Variants in DOT1L observed in about 807,000 individuals in gnomAD.
DOT1L encodes histone-lysine N-methyltransferase, H3 lysine-79 specific.
A neutral mutation model predicts 153.3 loss-of-function variants in DOT1L; 33 were observed. That is an observed-to-expected ratio of 0.22 (90% confidence interval 0.16 to 0.29). The LOEUF is 0.29. Among genes scored for constraint, DOT1L ranks in the 10% least tolerant of loss-of-function variants. DOT1L has a pLI of 1.00. For synonymous variants in DOT1L, 1,135 were observed against 965.1 expected (o/e 1.18, Z -3.26); for missense variants, 1,847 against 2,119.9 (o/e 0.87, Z 2.53).
intron 1 of DOT1L, among the ~76,000 whole-genome samples, chr19:2,172,976 C>CA (rs35030730): frequency 0.024 from 2,918 of 124,142 alleles, 41 homozygotes; most frequent in South Asian, 0.04. Context: ...GACTCCATCT[C>CA]AAAAAAAAAA....
rs561521265 is a variant in DOT1L at position 2,191,766 on chromosome 19, C to T, written c.493+526C>T. 4.6e-4 allele frequency among the ~76,000 whole-genome samples: 70 copies of T among 152,230 alleles called. No individual in the cohort carries two copies. Among genetic ancestry groups the T allele is most frequent in the Admixed American group, 3.4e-3 (52 of 15,294 alleles). ...TCCCTCGGCACCCCTGCGTCTGGGCCGTGCCCTGCCCCTCCCAGGTTGGGG... is the reference window on the plus strand; with the variant it reads ...TCCCTCGGCACCCCTGCGTCTGGGCTGTGCCCTGCCCCTCCCAGGTTGGGG... On this transcript the variant is annotated intron_variant, in intron 5 of 27. Coordinates refer to ENST00000398665, the MANE Select transcript of DOT1L (RefSeq NM_032482.3). This position sits in a 1 kb window ranked among gnomAD's most constrained non-coding sequence, Gnocchi z 6.8.
chr19:2,223,029 C>T, intron 24 of DOT1L: 1 of 535,044 alleles, frequency 1.9e-6, no homozygotes, highest in Non-Finnish European at 3.3e-6. Flanking sequence ...CTGCAAGCTT[C>T]TTCATTCTCG....
At chr19:2,187,268 G>T (rs1184751028) in intron 3 of DOT1L, among the ~76,000 whole-genome samples, 2 of 152,216 alleles carry the variant, frequency 1.3e-5, no homozygotes, top group Non-Finnish European at 2.9e-5. Flanking sequence ...CATTAACCTG[G>T]GGCAGTTATG....
chr19:2,194,173 G>T (rs543535571), intron 6 of DOT1L, among the ~76,000 whole-genome samples: 53 of 151,260 alleles, frequency 3.5e-4, no homozygotes, highest in African/African-American at 1.2e-3. Context: ...GTTTTTTTTT[G>T]TTTTGTTTTG....
Position 2,230,407 on chromosome 19 carries a change from CTG to C in DOT1L, c.*617_*618del. 2.5e-6 allele frequency: 1 copy of C among 402,002 alleles called. No homozygotes were observed. The highest frequency in any genetic ancestry group is 4.4e-6 in the Non-Finnish European group (1 of 228,438). The allele number at this position is 402,002 out of a possible 1,614,324, so 24.9% of individuals were successfully genotyped here. On this transcript the variant is annotated 3_prime_UTR_variant, in exon 28 of 28. Coordinates refer to ENST00000398665, the MANE Select transcript of DOT1L (RefSeq NM_032482.3). ...TACCCCGGCACTGTGAACCCCCAGA[CTG>C]TTCACCCTCCGGGGCGTGGGTTGCG... is the stretch of plus-strand genomic sequence containing the variant.
intron 2 of DOT1L, among the ~76,000 whole-genome samples, chr19:2,182,371 A>G (rs567484234): frequency 6.6e-6 from 1 of 152,258 alleles, no homozygotes; most frequent in Admixed American, 6.5e-5. Context: ...TGAGACCCCA[A>G]GTCTACAAAA....
chr19:2,193,829 C>G lies in DOT1L; in HGVS notation c.588+46C>G. 1 of 1,590,602 alleles carries G rather than the reference C, an allele frequency of 6.3e-7. No individual in the cohort carries two copies. Among genetic ancestry groups the G allele is most frequent in the African/African-American group, 1.3e-5 (1 of 74,694 alleles). ...GGGTGTGTTGGAGGCAGGGGACCAT[C>G]AGAGAAAGTGACGCCCTGGGTGCCT... On this transcript the variant is annotated intron_variant, in intron 6 of 27. Coordinates refer to ENST00000398665, the MANE Select transcript of DOT1L (RefSeq NM_032482.3). The surrounding 1 kb of genome is among the most constrained non-coding windows in gnomAD (Gnocchi z 5.9).
intron 27 of DOT1L, chr19:2,228,081 C>T (rs762100839): frequency 7.5e-7 from 1 of 1,332,826 alleles, no homozygotes; most frequent in African/African-American, 1.5e-5. Flanking sequence ...CGCGTCCCTC[C>T]CGCCTAACCA....
At chr19:2,223,217 G>C (rs144012798) in intron 24 of DOT1L, 64 bp from the exon 25 acceptor site, 163 of 1,571,670 alleles carry the variant, frequency 1.0e-4, no homozygotes, top group Non-Finnish European at 1.4e-4. Context: ...GGGGCGGGGG[G>C]GCTCTCCTGC....
At chr19:2,202,483 C>A (rs537580893) in intron 8 of DOT1L, among the ~76,000 whole-genome samples, 1 of 152,216 alleles carries the variant, frequency 6.6e-6, no homozygotes, top group Admixed American at 6.5e-5. Context: ...ACGAATCCTG[C>A]CCCCTCTGTT....
chr19:2,210,453 G>A lies in DOT1L; in HGVS notation c.1059G>A (p.Ala353=), dbSNP rs1309420880. The A allele has an allele frequency of 5.7e-6, 9 of 1,582,728 alleles. No individual in the cohort carries two copies. The highest frequency in any genetic ancestry group is 4.6e-5 in the East Asian group (2 of 43,514). Residue 353 remains alanine, a synonymous_variant, in exon 13 of 28, where the codon GCG becomes GCA. Transcript: ENST00000398665. ...RRQQRESKSN[A]ATPTKGPEGK... is the part of the protein sequence containing the mutation. ...AGCAGCGCGAGAGCAAGAGCAACGCGGCCACGCCCACTAAGGGCCCAGAGG... is the reference window on the plus strand; with the variant it reads ...AGCAGCGCGAGAGCAAGAGCAACGCAGCCACGCCCACTAAGGGCCCAGAGG...
intron 7 of DOT1L, among the ~76,000 whole-genome samples, chr19:2,198,525 G>C (rs2023113029): frequency 6.6e-6 from 1 of 152,228 alleles, no homozygotes; most frequent in African/African-American, 2.4e-5. Context: ...GGGCTGAGTG[G>C]GTGGGCCACC....
intron 27 of DOT1L, 164 bp downstream of exon 27, chr19:2,227,291 T>A: frequency 2.2e-6 from 2 of 904,426 alleles, no homozygotes; most frequent in Non-Finnish European, 3.7e-6. Flanking sequence ...TCCAGTCCTG[T>A]GGGGAGAGGG....
rs142895997 is a variant in DOT1L at position 2,230,350 on chromosome 19, C to G, written c.*558C>G. 3.3e-4 allele frequency: 137 copies of G among 412,230 alleles called. 1 individual carries two copies. The highest frequency in any genetic ancestry group is 2.7e-3 in the African/African-American group (131 of 48,806). The allele number at this position is 412,230 out of a possible 1,614,324, so 25.5% of individuals were successfully genotyped here. On this transcript the variant is annotated 3_prime_UTR_variant, in exon 28 of 28. Coordinates refer to ENST00000398665, the MANE Select transcript of DOT1L (RefSeq NM_032482.3). ...CCCGCGGCCTGAGCCCCTTCCTGAGCGCCCTGGCGCCTGCCCTGAGCTCTT... is the reference window on the plus strand; with the variant it reads ...CCCGCGGCCTGAGCCCCTTCCTGAGGGCCCTGGCGCCTGCCCTGAGCTCTT...
intron 3 of DOT1L, among the ~76,000 whole-genome samples, chr19:2,186,510 C>G (rs1299442911): frequency 1.3e-5 from 2 of 152,058 alleles, no homozygotes; most frequent in Admixed American, 1.3e-4. Context: ...AGTCTGAAAT[C>G]AACAGAGTAG....
chr19:2,211,298 C>A, intron 15 of DOT1L, 86 bp downstream of exon 15: 1 of 1,219,618 alleles, frequency 8.2e-7, no homozygotes, highest in Non-Finnish European at 1.1e-6. Flanking sequence ...GACCTCGCAG[C>A]AGCCCCCGTG....
chr19:2,227,723 T>C (rs1165812800), intron 27 of DOT1L: 1 of 1,309,768 alleles, frequency 7.6e-7, no homozygotes, highest in Admixed American at 2.2e-5. Context: ...TGCGTTTTTC[T>C]CTCCTATTTG....
At chr19:2,181,019 G>C (rs550067972) in intron 2 of DOT1L, among the ~76,000 whole-genome samples, 1 of 152,318 alleles carries the variant, frequency 6.6e-6, no homozygotes, top group Non-Finnish European at 1.5e-5. Context: ...CTGTCTCCTT[G>C]TCAGTCTCCC....
chr19:2,223,749 C>T (rs1273270912), intron 25 of DOT1L, among the ~76,000 whole-genome samples: 3 of 152,200 alleles, frequency 2.0e-5, no homozygotes, highest in African/African-American at 7.2e-5. Context: ...AGGAGCTGAG[C>T]GCAGCAGGAG....
Sources: allele counts gnomAD v4.1 joint callset (sites outside exome capture counted in the v4.1 genomes callset), GRCh38; gene constraint gnomAD v4.1.1; non-coding constraint Gnocchi (gnomAD v3.1); transcripts MANE v1.5; gene names NCBI Gene and HGNC (gene_info 2026-07-23, HGNC 2026-07-21).